Variants in AGBL1 observed in about 807,000 individuals in gnomAD.
The protein encoded by AGBL1 is AGBL carboxypeptidase 1.
A neutral mutation model predicts 118.9 loss-of-function variants in AGBL1; 130 were observed. The ratio of observed to expected loss-of-function variants is 1.09; its 90% CI spans 0.95 to 1.26. The LOEUF (loss-of-function observed/expected upper bound fraction) is 1.26, where lower values mean the gene tolerates loss of function less well. Ranked by LOEUF, AGBL1 falls within the 50% of genes most tolerant of loss-of-function variation. The probability of loss-of-function intolerance (pLI) is 0.00; values close to 1 mark genes in which losing one functional copy is unlikely to be tolerated. For synonymous variants in AGBL1, 555 were observed against 478.9 expected (o/e 1.16, Z -2.08); for missense variants, 1,584 against 1,298.1 (o/e 1.22, Z -3.38).
chr15:86,926,808 G>A lies in AGBL1; in HGVS notation c.3222-61179G>A, dbSNP rs536804263. Among the ~76,000 whole-genome samples the A allele has an allele frequency of 1.1e-4, 17 of 152,304 alleles. 1 individual carries two copies. The South Asian group carries it at 2.9e-3, about 26-fold the overall frequency. On this transcript the variant is annotated intron_variant, in intron 23 of 24. Transcript: ENST00000441037. The stretch of plus-strand genomic sequence containing the variant: ...AGAATTTCTATGCATCATCAGAGCA[G>A]GAGTTGTACTTTTAGAACTATTGCA...
chr15:86,144,527 C>A (rs185635699), intron 3 of AGBL1, among the ~76,000 whole-genome samples: 202 of 152,232 alleles, frequency 1.3e-3, no homozygotes, highest in Non-Finnish European at 2.4e-3. Flanking sequence ...ATGGGTGGAG[C>A]TGGAGGCCAT....
chr15:86,875,393 G>T (rs1347124890), intron 22 of AGBL1, among the ~76,000 whole-genome samples: 3 of 152,190 alleles, frequency 2.0e-5, no homozygotes, highest in African/African-American at 4.8e-5. Context: ...ATTCCTTGCT[G>T]CAGTGTAATT....
intron 17 of AGBL1, among the ~76,000 whole-genome samples, chr15:86,364,981 A>ATATATG (rs2080861567): frequency 1.3e-5 from 1 of 76,288 alleles, no homozygotes; most frequent in Non-Finnish European, 3.2e-5. Context: ...ATATATATAT[A>ATATATG]TATATATACA....
intron 22 of AGBL1, among the ~76,000 whole-genome samples, chr15:86,732,994 A>G (rs914517745): frequency 1.3e-5 from 2 of 148,976 alleles, no homozygotes; most frequent in Non-Finnish European, 1.5e-5. Flanking sequence ...AGATGGCTAT[A>G]TATCTTATAT....
intron 23 of AGBL1, among the ~76,000 whole-genome samples, chr15:86,922,573 G>A (rs1041657013): frequency 9.2e-5 from 14 of 152,338 alleles, no homozygotes; most frequent in Middle Eastern, 6.8e-3. Context: ...ATTACAGGGT[G>A]AGCCACCATG....
chr15:86,465,719 T>C (rs2082395618), intron 18 of AGBL1, among the ~76,000 whole-genome samples: 1 of 152,176 alleles, frequency 6.6e-6, no homozygotes, highest in African/African-American at 2.4e-5. Flanking sequence ...TCCAGCCTGG[T>C]GAAATTCTAG....
intron 22 of AGBL1, among the ~76,000 whole-genome samples, chr15:86,709,848 C>T (rs547013696): frequency 6.6e-5 from 10 of 152,118 alleles, no homozygotes; most frequent in African/African-American, 1.9e-4. Context: ...TAGAGTCTGG[C>T]CCATAGTAAA....
At chr15:86,280,640 G>T (rs2079337256) in intron 16 of AGBL1, among the ~76,000 whole-genome samples, 2 of 152,166 alleles carry the variant, frequency 1.3e-5, no homozygotes, top group South Asian at 4.1e-4. Flanking sequence ...GTGTATATGG[G>T]TATATGTATC....
rs531237010 is a variant in AGBL1, at chr15:86,159,034, G to T, written c.488+8G>T. 1 of 1,611,970 alleles carries T rather than the reference G, an allele frequency of 6.2e-7. No individual in the cohort carries two copies. Among genetic ancestry groups the T allele is most frequent in the Admixed American group, 1.7e-5 (1 of 59,964 alleles). On this transcript the variant is annotated splice_region_variant and intron_variant, in intron 5 of 22. Coordinates refer to ENST00000614907, the MANE Select transcript of AGBL1 (RefSeq NM_001386094.1). ...GCGCACCCAAGCAATCAGGTACAGA[G>T]TGCCATGTAATACTTCTGCCCCTTT...
At chr15:86,237,865 G>C (rs544379780) in intron 6 of AGBL1, among the ~76,000 whole-genome samples, 163 of 152,244 alleles carry the variant, frequency 1.1e-3, no homozygotes, top group African/African-American at 3.8e-3. Flanking sequence ...CCTGATCCCT[G>C]CTCACCTTTC....
At chr15:86,887,556 TGAG>T (rs1283790946) in intron 22 of AGBL1, among the ~76,000 whole-genome samples, 2 of 152,154 alleles carry the variant, frequency 1.3e-5, no homozygotes, top group African/African-American at 4.8e-5. Flanking sequence ...ATGAGTTGAG[TGAG>T]GAGGAAGTGT....
At chr15:86,143,390 A>G (rs938927340) in intron 2 of AGBL1, among the ~76,000 whole-genome samples, 2 of 152,214 alleles carry the variant, frequency 1.3e-5, no homozygotes, top group East Asian at 1.9e-4. Flanking sequence ...GCATATTTAC[A>G]TACATGTACA....
chr15:86,589,610 T>C (rs1452583367), intron 21 of AGBL1, among the ~76,000 whole-genome samples: 1 of 152,144 alleles, frequency 6.6e-6, no homozygotes, highest in East Asian at 1.9e-4. Context: ...AGATAAAAAG[T>C]TTTGCCTCCG....
intron 22 of AGBL1, among the ~76,000 whole-genome samples, chr15:86,738,681 T>C (rs1156952592): frequency 1.3e-5 from 2 of 152,222 alleles, no homozygotes; most frequent in South Asian, 4.1e-4. Flanking sequence ...AATGGGGTTC[T>C]GAAGTCAAAT....
At chr15:86,905,197 C>A (rs1297509437) in intron 22 of AGBL1, among the ~76,000 whole-genome samples, 1 of 152,110 alleles carries the variant, frequency 6.6e-6, no homozygotes, top group Non-Finnish European at 1.5e-5. Context: ...ACAACAAGTA[C>A]GACTTGACAA....
intron 22 of AGBL1, among the ~76,000 whole-genome samples, chr15:86,825,146 G>A (rs1750143902): frequency 6.6e-6 from 1 of 151,764 alleles, no homozygotes; most frequent in African/African-American, 2.4e-5. Context: ...AGTTGCAAAA[G>A]CAGTTGAAGG....
intron 18 of AGBL1, among the ~76,000 whole-genome samples, chr15:86,501,962 A>G (rs2082921655): frequency 6.6e-6 from 1 of 151,448 alleles, no homozygotes; most frequent in South Asian, 2.1e-4. Flanking sequence ...TAGCTTGTCA[A>G]ATTTTGAAAA....
chr15:86,368,251 A>G (rs1206019571), intron 17 of AGBL1, among the ~76,000 whole-genome samples: 1 of 152,048 alleles, frequency 6.6e-6, no homozygotes, highest in Non-Finnish European at 1.5e-5. Context: ...AAACAGCACC[A>G]CTAGATAGGT....
At chr15:86,788,603 C>T (rs748924361) in intron 22 of AGBL1, among the ~76,000 whole-genome samples, 9 of 152,054 alleles carry the variant, frequency 5.9e-5, no homozygotes, top group African/African-American at 9.7e-5. Context: ...AGATGCGAGA[C>T]GGTCATAGGC....
Sources: allele counts gnomAD v4.1 joint callset (sites outside exome capture counted in the v4.1 genomes callset), GRCh38; gene constraint gnomAD v4.1.1; transcripts MANE v1.5; gene names NCBI Gene and HGNC (gene_info 2026-07-23, HGNC 2026-07-21).